Variants in CSTPP1 observed in about 807,000 individuals in gnomAD.
The protein encoded by CSTPP1 is UPF0705 protein C11orf49.
chr11:46,972,761 T>G, the CSTPP1 span, among the ~76,000 whole-genome samples: 1 of 152,190 alleles, frequency 6.6e-6, no homozygotes, highest in Non-Finnish European at 1.5e-5. Flanking sequence ...TTTCCTCAGT[T>G]AGTAAATGGA....
chr11:46,942,464 C>T, the CSTPP1 span, among the ~76,000 whole-genome samples: 1 of 152,154 alleles, frequency 6.6e-6, no homozygotes, highest in African/African-American at 2.4e-5. Context: ...TTTTACTCCA[C>T]CTAATTTGGT....
the CSTPP1 span, chr11:47,157,011 C>T: frequency 6.2e-7 from 1 of 1,613,832 alleles, no homozygotes; most frequent in Non-Finnish European, 8.5e-7. Flanking sequence ...ACCCCCACCC[C>T]CACGGTTCCA....
At chr11:46,954,351 C>T in the CSTPP1 span, among the ~76,000 whole-genome samples, 1 of 152,034 alleles carries the variant, frequency 6.6e-6, no homozygotes, top group Non-Finnish European at 1.5e-5. Flanking sequence ...GAGTTCGAGA[C>T]CAGCCTGGCC....
chr11:47,033,182 G>C, the CSTPP1 span, among the ~76,000 whole-genome samples: 2 of 152,044 alleles, frequency 1.3e-5, no homozygotes, highest in Admixed American at 6.6e-5. Context: ...TAGAAGGGGA[G>C]GCAGGCACAC....
the CSTPP1 span, among the ~76,000 whole-genome samples, chr11:47,010,664 AT>A: frequency 2.6e-5 from 4 of 152,202 alleles, no homozygotes; most frequent in East Asian, 7.7e-4. Context: ...ACTGTTATTA[AT>A]TTTTTTGGTA....
the CSTPP1 span, among the ~76,000 whole-genome samples, chr11:47,114,002 T>TC: frequency 6.6e-6 from 1 of 152,240 alleles, no homozygotes; most frequent in African/African-American, 2.4e-5. Flanking sequence ...AAGTCTTTAA[T>TC]CCATCTTGAA....
the CSTPP1 span, among the ~76,000 whole-genome samples, chr11:47,111,558 C>T: frequency 6.6e-6 from 1 of 152,124 alleles, no homozygotes; most frequent in African/African-American, 2.4e-5. Flanking sequence ...GCCCACCCCA[C>T]TCCACACCCC....
the CSTPP1 span, among the ~76,000 whole-genome samples, chr11:47,086,234 C>CAAAAATAAAAA: frequency 1.1e-5 from 1 of 89,432 alleles, no homozygotes; most frequent in African/African-American, 4.6e-5. Flanking sequence ...ACTAAAAATC[C>CAAAAATAAAAA]AAAAAAAAAA....
At chr11:47,001,528 T>G in the CSTPP1 span, among the ~76,000 whole-genome samples, 3 of 152,168 alleles carry the variant, frequency 2.0e-5, no homozygotes, top group African/African-American at 7.2e-5. Context: ...TCTTTTTTCT[T>G]TTCTTTTACT....
At chr11:46,957,502 C>T in the CSTPP1 span, among the ~76,000 whole-genome samples, 1 of 152,020 alleles carries the variant, frequency 6.6e-6, no homozygotes, top group Non-Finnish European at 1.5e-5. Context: ...GATAATTTTC[C>T]CTTAGAATTT....
the CSTPP1 span, among the ~76,000 whole-genome samples, chr11:46,966,396 C>G: frequency 6.6e-6 from 1 of 152,138 alleles, no homozygotes. Context: ...AGTATGTTTT[C>G]CTCCTTTTTT....
the CSTPP1 span, among the ~76,000 whole-genome samples, chr11:46,968,133 CAGA>C: frequency 6.6e-6 from 1 of 151,530 alleles, no homozygotes; most frequent in Non-Finnish European, 1.5e-5. Flanking sequence ...CTTGACTTCT[CAGA>C]AGGTCAGATA....
At chr11:47,019,300 C>T in the CSTPP1 span, among the ~76,000 whole-genome samples, 9 of 152,302 alleles carry the variant, frequency 5.9e-5, no homozygotes, top group Non-Finnish European at 1.2e-4. Flanking sequence ...CATGAGCCAC[C>T]GCACCTGGCC....
chr11:47,157,901 C>G, the CSTPP1 span: 45 of 1,613,946 alleles, frequency 2.8e-5, no homozygotes, highest in African/African-American at 5.1e-4. Flanking sequence ...CTCAAAGCAC[C>G]GTGGAATCAA....
chr11:47,054,173 T>G, the CSTPP1 span, among the ~76,000 whole-genome samples: 2 of 151,248 alleles, frequency 1.3e-5, no homozygotes, highest in Non-Finnish European at 2.9e-5. Context: ...TAGCCGGGTG[T>G]GGTGGCGGGT....
the CSTPP1 span, among the ~76,000 whole-genome samples, chr11:47,055,748 A>G: frequency 3.3e-5 from 5 of 152,178 alleles, no homozygotes; most frequent in African/African-American, 1.2e-4. Flanking sequence ...TTTTACTTCA[A>G]TCATTGCCTC....
chr11:47,036,034 GATAT>G, the CSTPP1 span, among the ~76,000 whole-genome samples: 95 of 25,376 alleles, frequency 3.7e-3, 32 homozygotes, highest in African/African-American at 0.024. Context: ...GGAGTGAAAA[GATAT>G]ATATATATAT....
At chr11:46,982,187 T>C in the CSTPP1 span, among the ~76,000 whole-genome samples, 1 of 151,980 alleles carries the variant, frequency 6.6e-6, no homozygotes, top group Non-Finnish European at 1.5e-5. Context: ...CCATCCAGCA[T>C]CTCAATCTCA....
At chr11:47,085,400 T>C in the CSTPP1 span, among the ~76,000 whole-genome samples, 3 of 152,088 alleles carry the variant, frequency 2.0e-5, no homozygotes, top group East Asian at 5.8e-4. Context: ...GGTATCATAT[T>C]AATGAATGAA....
Sources: allele counts gnomAD v4.1 joint callset (sites outside exome capture counted in the v4.1 genomes callset), GRCh38; gene constraint gnomAD v4.1.1; transcripts MANE v1.5; gene names NCBI Gene and HGNC (gene_info 2026-07-23, HGNC 2026-07-21).